The following SFMBT1 variants were observed in gnomAD, a reference collection of about 807,000 sequenced individuals.
SFMBT1 encodes the protein scm-like with four MBT domains protein 1.
SFMBT1 carries 32 observed loss-of-function variants against 108.7 expected under a neutral mutation model. The ratio of observed to expected loss-of-function variants is 0.29; its 90% CI spans 0.22 to 0.40. SFMBT1 has a LOEUF of 0.40. SFMBT1 is among the 10% of genes least tolerant of loss of function. The probability of loss-of-function intolerance (pLI) is 1.00; values close to 1 mark genes in which losing one functional copy is unlikely to be tolerated. For missense variants in SFMBT1, 816 were observed against 1,059.6 expected (o/e 0.77, Z 3.19); for synonymous variants, 348 against 369.5 (o/e 0.94, Z 0.67).
chr3:52,982,426 A>G (rs1455620164), intron 1 of SFMBT1, among the ~76,000 whole-genome samples: 1 of 152,198 alleles, frequency 6.6e-6, no homozygotes, highest in Non-Finnish European at 1.5e-5. Context: ...TCGGAGGTGA[A>G]GGGTTAAGAT....
intron 1 of SFMBT1, among the ~76,000 whole-genome samples, chr3:53,024,326 A>G (rs565042254): frequency 1.3e-5 from 2 of 150,232 alleles, no homozygotes; most frequent in African/African-American, 5.0e-5. Flanking sequence ...TAAGGGAGCT[A>G]GTTACTCACA....
intron 1 of SFMBT1, among the ~76,000 whole-genome samples, chr3:52,991,302 T>G (rs1030199980): frequency 3.3e-5 from 5 of 152,082 alleles, no homozygotes; most frequent in Admixed American, 1.3e-4. Context: ...TGCTGTGGTT[T>G]GAATGTTGTG....
At chr3:52,973,844 CCT>C (rs1704429253) in intron 1 of SFMBT1, among the ~76,000 whole-genome samples, 1 of 152,024 alleles carries the variant, frequency 6.6e-6, no homozygotes, top group Admixed American at 6.5e-5. Context: ...GTCTCGAACC[CCT>C]GACCTCAAGT....
chr3:52,958,356 C>T (rs1174601201), intron 2 of SFMBT1, among the ~76,000 whole-genome samples: 3 of 152,284 alleles, frequency 2.0e-5, no homozygotes, highest in Admixed American at 6.5e-5. Flanking sequence ...TTTGGGAGGC[C>T]GCGGCAGGCG....
intron 4 of SFMBT1, among the ~76,000 whole-genome samples, chr3:52,937,803 G>C (rs544579611): frequency 5.3e-5 from 8 of 151,986 alleles, no homozygotes; most frequent in Non-Finnish European, 1.0e-4. Context: ...GGATGGTCTT[G>C]ATCTCCTAAC....
At position 52,932,235 on chromosome 3, in the gene SFMBT1, G is replaced by C. The variant is rs780279554; in HGVS notation, c.527C>G (p.Ser176Cys). ...SRLECQAFQD[S>C]LSTWIVTVVE... ...TACAGTAACAATCCAAGTGCTTAAA[G>C]AGTCCTGGAAAGCTTGACATTCTAG... is the stretch of plus-strand genomic sequence containing the variant. Residue 176 changes from serine (S) to cysteine (C), a missense_variant, in exon 6 of 21, where the codon TCT becomes TGT. Transcript: ENST00000394752. 1.2e-6 allele frequency: 2 copies of C among 1,614,186 alleles called. No individual in the cohort carries two copies. Among genetic ancestry groups the C allele is most frequent in the Non-Finnish European group, 8.5e-7 (1 of 1,180,022 alleles).
intron 13 of SFMBT1, among the ~76,000 whole-genome samples, chr3:52,916,484 A>T (rs1406855822): frequency 6.6e-6 from 1 of 151,040 alleles, no homozygotes; most frequent in East Asian, 1.9e-4. Context: ...CCTGGCTAAC[A>T]CTGTGAAACC....
At position 52,945,136 on chromosome 3, in the gene SFMBT1, T is replaced by TAAAAAAAAAAAAAAAAAAA. The variant is rs367727549; in HGVS notation, c.124-1544_124-1543insTTTTTTTTTTTTTTTTTTT. Among the ~76,000 whole-genome samples, 83 of 48,480 alleles carry TAAAAAAAAAAAAAAAAAAA rather than the reference T, an allele frequency of 1.7e-3. 10 individuals are homozygous for TAAAAAAAAAAAAAAAAAAA. The highest frequency in any genetic ancestry group is 6.2e-3 in the East Asian group (9 of 1,442). 31.8% of individuals were successfully genotyped at this position (48,480 alleles called of 152,430 possible). A position where few individuals can be genotyped will look rare whatever the true frequency, so the allele number is the denominator to read the frequency against. On this transcript the variant is annotated intron_variant, in intron 3 of 20. Transcript: ENST00000394752. Reference sequence around the variant, plus strand: ...TGATTTCCAAATACCACCTTCCAATTAAAAAAAAAAAAAAACAAGGACTTC... The same window carrying TAAAAAAAAAAAAAAAAAAA: ...TGATTTCCAAATACCACCTTCCAATTAAAAAAAAAAAAAAAAAAAAAAAAAAAAAAAAAACAAGGACTTC...
intron 1 of SFMBT1, among the ~76,000 whole-genome samples, chr3:52,982,157 A>G (rs1704732769): frequency 6.6e-6 from 1 of 152,200 alleles, no homozygotes; most frequent in African/African-American, 2.4e-5. Flanking sequence ...AAGGGCCTTT[A>G]AGGCTCATTA....
intron 2 of SFMBT1, among the ~76,000 whole-genome samples, chr3:52,961,606 A>C (rs1183069440): frequency 6.6e-6 from 1 of 152,236 alleles, no homozygotes; most frequent in African/African-American, 2.4e-5. Flanking sequence ...TGGACATTTT[A>C]CCACAATAAA....
intron 1 of SFMBT1, among the ~76,000 whole-genome samples, 182 bp downstream of exon 1, chr3:53,045,634 G>A (rs1040231293): frequency 9.1e-6 from 1 of 110,012 alleles, no homozygotes; most frequent in Non-Finnish European, 1.9e-5. Context: ...CGCCCCCAAC[G>A]TGCCGCCGCC....
At chr3:52,976,346 T>C (rs1351867920) in intron 1 of SFMBT1, among the ~76,000 whole-genome samples, 2 of 152,032 alleles carry the variant, frequency 1.3e-5, no homozygotes, top group African/African-American at 4.8e-5. Context: ...TTTATGAGAG[T>C]GCAGTTTGTG....
At chr3:52,960,083 A>T (rs1250596050) in intron 2 of SFMBT1, among the ~76,000 whole-genome samples, 1 of 151,896 alleles carries the variant, frequency 6.6e-6, no homozygotes, top group Admixed American at 6.6e-5. Flanking sequence ...ATGGAATACT[A>T]CTACACAGCA....
chr3:53,013,872 G>A (rs1242393289), intron 1 of SFMBT1, among the ~76,000 whole-genome samples: 4 of 151,902 alleles, frequency 2.6e-5, no homozygotes, highest in African/African-American at 7.2e-5. Context: ...CAGGTAATCC[G>A]CCCATCTCAG....
At chr3:52,964,511 C>CT (rs1159930790) in intron 2 of SFMBT1, among the ~76,000 whole-genome samples, 1 of 152,148 alleles carries the variant, frequency 6.6e-6, no homozygotes, top group Non-Finnish European at 1.5e-5. Flanking sequence ...AAGATTTTGT[C>CT]TCTAAAAAAT....
At chr3:53,036,898 T>C (rs17052727) in intron 1 of SFMBT1, among the ~76,000 whole-genome samples, 15,019 of 151,946 alleles carry the variant, frequency 0.099, 852 homozygotes, top group South Asian at 0.24. Flanking sequence ...ACAAAGTGGA[T>C]TGGCTAGGGA....
At chr3:52,923,491 T>G (rs1575376025) in intron 10 of SFMBT1, among the ~76,000 whole-genome samples, 2 of 146,080 alleles carry the variant, frequency 1.4e-5, no homozygotes, top group South Asian at 4.3e-4. Flanking sequence ...ACCCGGGAGG[T>G]GGAGGTTGCA....
chr3:52,993,830 TC>T lies in SFMBT1; in HGVS notation c.-130-24573del, dbSNP rs1424269901. ...ACAAGATCAAGGAAAGAACAGAAAA[TC>T]CTTTTATAACAATAAAACAGTGTAA... is the stretch of plus-strand genomic sequence containing the variant. On this transcript the variant is annotated intron_variant, in intron 1 of 20. Coordinates refer to ENST00000394752, the MANE Select transcript of SFMBT1 (RefSeq NM_016329.4). 1.3e-5 allele frequency among the ~76,000 whole-genome samples: 2 copies of T among 150,190 alleles called. 1 individual carries two copies. Among genetic ancestry groups the T allele is most frequent in the Non-Finnish European group, 3.0e-5 (2 of 67,052 alleles).
Position 52,928,327 on chromosome 3 carries a change from C to G in SFMBT1, c.912G>C (p.Lys304Asn). ...AGTCATCCATTTCCACCAGAAAGTACTTCTCATCAAAAACCTATACATGCA... is the reference window on the plus strand; with the variant it reads ...AGTCATCCATTTCCACCAGAAAGTAGTTCTCATCAAAAACCTATACATGCA... ...PATVVKVFDEKYFLVEMDDLR... is the reference protein window; with the variant it reads ...PATVVKVFDENYFLVEMDDLR... Residue 304 changes from lysine to asparagine, a missense_variant, in exon 9 of 21, where the codon AAG becomes AAC. Transcript: ENST00000394752. 1 of 1,613,786 alleles carries G rather than the reference C, an allele frequency of 6.2e-7. No homozygotes were observed. Among genetic ancestry groups the G allele is most frequent in the South Asian group, 1.1e-5 (1 of 91,072 alleles).
Sources: gnomAD v4.1 joint callset for allele counts (sites outside exome capture counted in the v4.1 genomes callset) on GRCh38, gnomAD v4.1.1 for gene constraint, MANE v1.5 for transcripts, NCBI Gene and HGNC (gene_info 2026-07-23, HGNC 2026-07-21) for gene names.